TTLL11: variants seen among roughly 807,000 people sequenced by gnomAD.
TTLL11 encodes tubulin tyrosine ligase like 11.
In TTLL11, 42 loss-of-function variants were observed where a neutral mutation model predicts 51.7. The observed-to-expected ratio is 0.81, with a 90% CI of 0.64 to 1.05. The LOEUF is 1.05. Among genes scored for constraint, TTLL11 ranks in the 50% least tolerant of loss-of-function variants. TTLL11 has a pLI of 0.00. For missense variants in TTLL11, 799 were observed against 940.4 expected (o/e 0.85, Z 1.97); for synonymous variants, 381 against 383.5 (o/e 0.99, Z 0.08).
intron 8 of TTLL11, among the ~76,000 whole-genome samples, chr9:121,829,202 C>T (rs1836916719): frequency 6.6e-6 from 1 of 152,092 alleles, no homozygotes; most frequent in Non-Finnish European, 1.5e-5. Flanking sequence ...AATCCACCCA[C>T]CTCAGCCTCC....
At chr9:121,941,650 C>G (rs1381424815) in intron 6 of TTLL11, among the ~76,000 whole-genome samples, 1 of 152,210 alleles carries the variant, frequency 6.6e-6, no homozygotes, top group Non-Finnish European at 1.5e-5. Flanking sequence ...CTGATCAATT[C>G]TTTCCCAGCT....
intron 2 of TTLL11, 39 bp downstream of exon 2, chr9:122,039,233 C>T: frequency 1.3e-6 from 2 of 1,557,256 alleles, no homozygotes; most frequent in South Asian, 2.2e-5. Flanking sequence ...AGACTTGGCC[C>T]TAGAAACATG....
At position 121,974,522 on chromosome 9, in the gene TTLL11, A is replaced by G. The variant is rs1016052352; in HGVS notation, c.1365+362T>C. On this transcript the variant is annotated intron_variant, in intron 5 of 8. Transcript: ENST00000321582. The stretch of plus-strand genomic sequence containing the variant: ...GAAAAATATAACCACTGCTAAATGT[A>G]TTATTTATCTTAGTGATTCAAGTAT... Among the ~76,000 whole-genome samples, 5 of 152,248 alleles carry G rather than the reference A, an allele frequency of 3.3e-5. No individual in the cohort carries two copies. The East Asian group carries it at 9.6e-4, about 29-fold the overall frequency.
chr9:121,925,364 T>C (rs1335205477), intron 6 of TTLL11, among the ~76,000 whole-genome samples: 3 of 152,226 alleles, frequency 2.0e-5, no homozygotes, highest in Non-Finnish European at 2.9e-5. Flanking sequence ...GGCTCCCAGA[T>C]AGGGTGGGCG....
At chr9:121,885,150 G>A (rs1838960320) in intron 6 of TTLL11, 1 of 152,164 alleles carries the variant, frequency 6.6e-6, no homozygotes, top group Non-Finnish European at 1.5e-5. Flanking sequence ...AATCCACCCA[G>A]ATAGCCCACT....
At chr9:121,900,326 TTGTTAC>T (rs1839725189) in intron 6 of TTLL11, among the ~76,000 whole-genome samples, 1 of 152,386 alleles carries the variant, frequency 6.6e-6, no homozygotes, top group South Asian at 2.1e-4. Flanking sequence ...GTGAATTGCA[TTGTTAC>T]TGTTGCGAAG....
intron 8 of TTLL11, among the ~76,000 whole-genome samples, chr9:121,839,627 T>G (rs558902385): frequency 4.6e-5 from 7 of 152,336 alleles, no homozygotes; most frequent in African/African-American, 1.4e-4. Context: ...AGTATTCTCA[T>G]GGAGGGCTGC....
At chr9:122,056,908 G>C (rs1845302993) in intron 1 of TTLL11, among the ~76,000 whole-genome samples, 1 of 152,224 alleles carries the variant, frequency 6.6e-6, no homozygotes, top group South Asian at 2.1e-4. Context: ...TCATTCAGAG[G>C]TATCCCACAG....
chr9:121,860,803 C>T (rs1837983557), intron 7 of TTLL11, among the ~76,000 whole-genome samples: 2 of 152,218 alleles, frequency 1.3e-5, no homozygotes, highest in Admixed American at 6.5e-5. Flanking sequence ...CCTCCAGAAC[C>T]ATGAGAAGTA....
At chr9:121,826,511 A>ATG (rs1332503056) in intron 8 of TTLL11, among the ~76,000 whole-genome samples, 14,030 of 62,664 alleles carry the variant, frequency 0.22, 2,035 homozygotes, top group South Asian at 0.38. Context: ...GTATATATAT[A>ATG]TATGTATATA....
At chr9:121,841,104 T>C (rs1259077193) in intron 8 of TTLL11, among the ~76,000 whole-genome samples, 1 of 152,056 alleles carries the variant, frequency 6.6e-6, no homozygotes, top group African/African-American at 2.4e-5. Flanking sequence ...GTCTCACCCA[T>C]GGGCCTTGTG....
intron 6 of TTLL11, among the ~76,000 whole-genome samples, chr9:121,909,765 C>A (rs896567149): frequency 1.3e-5 from 2 of 152,190 alleles, no homozygotes; most frequent in African/African-American, 4.8e-5. Context: ...GGGCACTCAG[C>A]TCCCGCAGAG....
At chr9:121,994,734 C>A (rs897319695) in intron 3 of TTLL11, among the ~76,000 whole-genome samples, 1 of 152,150 alleles carries the variant, frequency 6.6e-6, no homozygotes, top group African/African-American at 2.4e-5. Flanking sequence ...TGGGGACTCC[C>A]TGAAAGGTTT....
intron 1 of TTLL11, among the ~76,000 whole-genome samples, chr9:122,076,924 A>G (rs1004048236): frequency 6.6e-6 from 1 of 152,198 alleles, no homozygotes; most frequent in Non-Finnish European, 1.5e-5. Context: ...GGATTTTAAA[A>G]ACAGCCAGAA....
intron 3 of TTLL11, among the ~76,000 whole-genome samples, chr9:122,009,637 T>C (rs1007647970): frequency 3.3e-5 from 5 of 151,672 alleles, no homozygotes; most frequent in African/African-American, 9.7e-5. Context: ...TATGCACATA[T>C]ATAATACTAT....
At chr9:122,078,396 C>G (rs911131880) in intron 1 of TTLL11, among the ~76,000 whole-genome samples, 2 of 152,054 alleles carry the variant, frequency 1.3e-5, no homozygotes, top group African/African-American at 4.8e-5. Context: ...TGAGGTAAAA[C>G]TTAATTCTTG....
chr9:121,851,418 G>T (rs1837660480), intron 8 of TTLL11, among the ~76,000 whole-genome samples: 1 of 152,230 alleles, frequency 6.6e-6, no homozygotes, highest in Non-Finnish European at 1.5e-5. Flanking sequence ...GCATGGGAAT[G>T]GGAGAGTGCA....
intron 1 of TTLL11, among the ~76,000 whole-genome samples, chr9:122,079,366 C>T (rs1271046071): frequency 6.6e-6 from 1 of 152,092 alleles, no homozygotes; most frequent in Non-Finnish European, 1.5e-5. Context: ...AATGTAACCC[C>T]CTCCCCCTTT....
intron 1 of TTLL11, 43 bp downstream of exon 1, chr9:122,092,644 C>A (rs1178016393): frequency 1.3e-6 from 2 of 1,535,088 alleles, no homozygotes; most frequent in Non-Finnish European, 8.7e-7. Flanking sequence ...GTCGTCCTGT[C>A]CACCCCACTG....
Sources: gnomAD v4.1 joint callset for allele counts (sites outside exome capture counted in the v4.1 genomes callset) on GRCh38, gnomAD v4.1.1 for gene constraint, MANE v1.5 for transcripts, NCBI Gene and HGNC (gene_info 2026-07-23, HGNC 2026-07-21) for gene names.